ATP13A1: variants seen among roughly 807,000 people sequenced by gnomAD.
The protein encoded by ATP13A1 is endoplasmic reticulum transmembrane helix translocase.
In ATP13A1, 55 loss-of-function variants were observed where a neutral mutation model predicts 134.8. The observed-to-expected ratio is 0.41, with a 90% confidence interval of 0.33 to 0.51. The LOEUF (loss-of-function observed/expected upper bound fraction) is 0.51. Among genes scored for constraint, ATP13A1 ranks in the 20% least tolerant of loss-of-function variants. The pLI, the probability that ATP13A1 is intolerant of heterozygous loss-of-function variation, is 0.29. For synonymous variants in ATP13A1, 775 were observed against 725.1 expected, an observed-to-expected ratio of 1.07 and a Z score of -1.10; for missense variants, 1,389 against 1,652.8, an observed-to-expected ratio of 0.84 and a Z score of 2.77.
rs369963752 is a variant in ATP13A1, at chr19:19,659,554, G to T, written c.677+47C>A. The T allele has an allele frequency of 1.9e-6, 3 of 1,545,036 alleles. No individual in the cohort carries two copies. In the East Asian group the frequency reaches 6.8e-5, roughly 35 times the overall value. On this transcript the variant is annotated intron_variant, in intron 3 of 25. Transcript: ENST00000357324. ...TCCTAGGCACCCTGAATCAGGAGGG[G>T]AGCAGGACAGAAAGGCAAAGGTGCT...
At chr19:19,646,642 C>A in intron 22 of ATP13A1, 1 of 474,670 alleles carries the variant, frequency 2.1e-6, no homozygotes, top group East Asian at 3.7e-5. Flanking sequence ...GGGACAGGCA[C>A]AGTCCCGCCC....
In ATP13A1 at chr19:19,653,641, T is replaced by C. The variant is rs916258165; in HGVS notation, c.2100+143A>G. ...TGGACAGACTGAGTGCCATTTGGAGTCTCCAAAGGTAGAAGCTGGAGGCGG... is the reference window on the plus strand; with the variant it reads ...TGGACAGACTGAGTGCCATTTGGAGCCTCCAAAGGTAGAAGCTGGAGGCGG... On this transcript the variant is annotated intron_variant, in intron 15 of 25. Transcript: ENST00000357324. This position sits in a 1 kb window ranked among gnomAD's most constrained non-coding sequence, Gnocchi z 4.2. 2.6e-6 allele frequency: 2 copies of C among 764,504 alleles called. No individual in the cohort carries two copies. Among genetic ancestry groups the C allele is most frequent in the Admixed American group, 2.7e-5 (1 of 36,490 alleles). The allele number at this position is 764,504 out of a possible 1,614,324, so 47.4% of individuals were successfully genotyped here. A position where few individuals can be genotyped will look rare whatever the true frequency, so the allele number is the denominator to read the frequency against.
In ATP13A1 at chr19:19,653,717, G is replaced by A. The variant is rs562717312; in HGVS notation, c.2100+67C>T. On this transcript the variant is annotated intron_variant, in intron 15 of 25. Coordinates refer to ENST00000357324, the MANE Select transcript of ATP13A1 (RefSeq NM_020410.3). This position sits in a 1 kb window ranked among gnomAD's most constrained non-coding sequence, Gnocchi z 4.2. ...TTCAACCTGGCACTGTGGGACACAG[G>A]AGGTGACTCAGGGAGGAGCTGACGG... The A allele has an allele frequency of 3.7e-6, 5 of 1,366,304 alleles. No individual in the cohort carries two copies. In the South Asian group the frequency reaches 5.2e-5, roughly 14 times the overall value. 84.6% of individuals were successfully genotyped at this position (1,366,304 alleles called of 1,614,324 possible).
In ATP13A1 at chr19:19,663,580, C is replaced by A; in HGVS notation, c.87G>T (p.Gly29=). Residue 29 remains glycine (G), a synonymous_variant, in exon 1 of 26, where the codon GGG becomes GGT. Transcript: ENST00000357324. ...GVRPDGQPKP[G]PQPRALLAAG... is the part of the protein sequence containing the mutation. ...CGGCAAGGAGCGCGCGCGGCTGCGG[C>A]CCGGGCTTGGGCTGCCCGTCAGGCC... 1.3e-6 allele frequency: 2 copies of A among 1,492,814 alleles called. No homozygotes were observed. The highest frequency in any genetic ancestry group is 1.3e-5 in the South Asian group (1 of 77,954). The allele number at this position is 1,492,814 out of a possible 1,614,324, so 92.5% of individuals were successfully genotyped here.
chr19:19,657,536 G>C, intron 3 of ATP13A1, 128 bp from the exon 4 acceptor site: 2 of 928,228 alleles, frequency 2.2e-6, no homozygotes, highest in Non-Finnish European at 3.1e-6. Flanking sequence ...TGTGGGCGTC[G>C]GGAGCCCTGG....
rs1026495705 is a variant in ATP13A1 at position 19,649,588 on chromosome 19, C to T, written c.2611G>A (p.Ala871Thr). The T allele has an allele frequency of 3.1e-6, 5 of 1,613,590 alleles. No individual in the cohort carries two copies. Among genetic ancestry groups the T allele is most frequent in the South Asian group, 1.1e-5 (1 of 91,054 alleles). ...TCACCCACGTCAGCATGCTTCAGGGCGCCCACGTCGTTGGTGCCATCCCCA... is the reference window on the plus strand; with the variant it reads ...TCACCCACGTCAGCATGCTTCAGGGTGCCCACGTCGTTGGTGCCATCCCCA... ...MCGDGTNDVG[A>T]LKHADVGVAL... is the part of the protein sequence containing the mutation. Residue 871 changes from alanine to threonine, a missense_variant, in exon 19 of 26, where the codon GCC (alanine) becomes ACC (threonine). Ala to Thr is a moderately conservative substitution (Grantham distance 58). This residue lies in a region of ATP13A1 where 747 missense variants were observed against 956.1 expected (regional missense o/e 0.78). Coordinates refer to ENST00000357324, the MANE Select transcript of ATP13A1 (RefSeq NM_020410.3).
Position 19,647,817 on chromosome 19 carries a change from C to T in ATP13A1, c.2633-58G>A. On this transcript the variant is annotated intron_variant, in intron 19 of 25. Coordinates refer to ENST00000357324, the MANE Select transcript of ATP13A1 (RefSeq NM_020410.3). This position sits in a 1 kb window ranked among gnomAD's most constrained non-coding sequence, Gnocchi z 4.8. ...GCAGGCTCCACGGAGGGGAAGATTGCTGGCTTCAGAGCCACTGGTCCTGAA... is the reference window on the plus strand; with the variant it reads ...GCAGGCTCCACGGAGGGGAAGATTGTTGGCTTCAGAGCCACTGGTCCTGAA... The T allele has an allele frequency of 1.3e-6, 2 of 1,516,600 alleles. No individual in the cohort carries two copies. Among genetic ancestry groups the T allele is most frequent in the Non-Finnish European group, 1.8e-6 (2 of 1,134,960 alleles). 93.9% of individuals were successfully genotyped at this position (1,516,600 alleles called of 1,614,324 possible). A position where few individuals can be genotyped will look rare whatever the true frequency, so the allele number is the denominator to read the frequency against.
Position 19,655,625 on chromosome 19 carries a change from C to T in ATP13A1, c.1299G>A (p.Gly433=), listed in dbSNP as rs953664403. The change falls in exon 10 of 26, where the codon GGG becomes GGA. Residue 433 remains glycine, a synonymous_variant. Transcript: ENST00000357324. The surrounding 1 kb of genome is among the most constrained non-coding windows in gnomAD (Gnocchi z 5.7). ...GGTTGTTCGCAGTCACCCTCTTGAC[C>T]CCGAAGAGGATGGTGCGCAGCAGCT... is the stretch of plus-strand genomic sequence containing the variant. ...QGKLLRTILF[G]VKRVTANNLE... 49 of 1,613,586 alleles carry T rather than the reference C, an allele frequency of 3.0e-5. No homozygotes were observed. The highest frequency in any genetic ancestry group is 4.0e-5 in the Non-Finnish European group (47 of 1,179,810).
Position 19,663,254 on chromosome 19 carries a change from C to G in ATP13A1, c.396+17G>C. The G allele has an allele frequency of 6.4e-7, 1 of 1,568,048 alleles. No individual in the cohort carries two copies. Among genetic ancestry groups the G allele is most frequent in the Non-Finnish European group, 8.6e-7 (1 of 1,158,144 alleles). On this transcript the variant is annotated intron_variant, in intron 1 of 25. Transcript: ENST00000357324. ...GCTCGACCGTGCTGGGGGTCGGGCT[C>G]GCGTGTACACACTTACCGGGGTGCA...
At chr19:19,646,995 G>A (rs1347039849) in intron 22 of ATP13A1, 134 bp downstream of exon 22, 10 of 1,014,372 alleles carry the variant, frequency 9.9e-6, no homozygotes, top group Non-Finnish European at 1.4e-5. Flanking sequence ...AGCATTTCCT[G>A]AGCCATCCCA....
In ATP13A1 at chr19:19,653,691, A is replaced by G. The variant is rs2062038845; in HGVS notation, c.2100+93T>C. 8.4e-7 allele frequency: 1 copy of G among 1,191,294 alleles called. No individual in the cohort carries two copies. The highest frequency in any genetic ancestry group is 1.2e-6 in the Non-Finnish European group (1 of 853,618). The allele number at this position is 1,191,294 out of a possible 1,614,324, so 73.8% of individuals were successfully genotyped here. On this transcript the variant is annotated intron_variant, in intron 15 of 25. Coordinates refer to ENST00000357324, the MANE Select transcript of ATP13A1 (RefSeq NM_020410.3). The surrounding 1 kb of genome is among the most constrained non-coding windows in gnomAD (Gnocchi z 4.2). The stretch of plus-strand genomic sequence containing the variant: ...GGGCAAGGAGGACAAAATCACAACC[A>G]TTCAACCTGGCACTGTGGGACACAG...
intron 3 of ATP13A1, among the ~76,000 whole-genome samples, chr19:19,657,886 G>A (rs1042305498): frequency 6.6e-6 from 1 of 152,202 alleles, no homozygotes; most frequent in South Asian, 2.1e-4. Flanking sequence ...GGTGGTTCAC[G>A]CCTGTAATCC....
At chr19:19,662,421 G>C in intron 1 of ATP13A1, 1 of 949,966 alleles carries the variant, frequency 1.1e-6, no homozygotes. Flanking sequence ...CTCTTCTTGA[G>C]GCAAACACAC....
At position 19,655,124 on chromosome 19, in the gene ATP13A1, C is replaced by A. The variant is rs558065098; in HGVS notation, c.1650G>T (p.Gly550=). 1.2e-6 allele frequency: 2 copies of A among 1,613,824 alleles called. No homozygotes were observed. Among genetic ancestry groups the A allele is most frequent in the Non-Finnish European group, 1.7e-6 (2 of 1,179,868 alleles). ...GCAGGGCCCCTGATGCTTACCTCAG[C>A]CCGGCCACACCGCGCACCACCAGGC... is the stretch of plus-strand genomic sequence containing the variant. ...SDSLVVRGVA[G]LRDGKEVTPV... The change falls in exon 12 of 26, where the codon GGG becomes GGT. Residue 550 remains glycine, a synonymous_variant. Transcript: ENST00000357324. The surrounding 1 kb of genome is among the most constrained non-coding windows in gnomAD (Gnocchi z 5.7).
chr19:19,655,386 G>C lies in ATP13A1; in HGVS notation c.1464C>G (p.Val488=). Residue 488 remains valine (V), a synonymous_variant, in exon 11 of 26, where the codon GTC becomes GTG. Transcript: ENST00000357324. The surrounding 1 kb of genome is among the most constrained non-coding windows in gnomAD (Gnocchi z 5.7). ...FLECTLILTS[V]VPPELPIELS... is the part of the protein sequence containing the mutation. ...GCTCGATGGGCAGCTCAGGAGGCAC[G>C]ACCGAGGTGAGGATCAGGGTGCACT... 3 of 1,613,954 alleles carry C rather than the reference G, an allele frequency of 1.9e-6. No individual in the cohort carries two copies. Among genetic ancestry groups the C allele is most frequent in the Non-Finnish European group, 2.5e-6 (3 of 1,179,882 alleles).
rs1364490624 is a variant in ATP13A1 at position 19,659,936 on chromosome 19, T to A, written c.448A>T (p.Asn150Tyr). 1 of 1,585,856 alleles carries A rather than the reference T, an allele frequency of 6.3e-7. No individual in the cohort carries two copies. Among genetic ancestry groups the A allele is most frequent in the Admixed American group, 1.9e-5 (1 of 53,272 alleles). The change falls in exon 2 of 26, where the codon AAT (asparagine) becomes TAT (tyrosine). Residue 150 changes from asparagine (N) to tyrosine (Y), a missense_variant. Asn to Tyr is a moderately radical substitution (Grantham distance 143). Coordinates refer to ENST00000357324, the MANE Select transcript of ATP13A1 (RefSeq NM_020410.3). ...AGGGCCACGAGCTCCGTGGAGCCAT[T>A]GTTGGGGGTTGGCACCACCTTCACA... ...TFVKVVPTPN[N>Y]GSTELVALHR...
chr19:19,662,714 C>T (rs2062102133), intron 1 of ATP13A1, among the ~76,000 whole-genome samples: 1 of 152,232 alleles, frequency 6.6e-6, no homozygotes, highest in Admixed American at 6.5e-5. Flanking sequence ...ATAAACACCT[C>T]TGCCTCTCTT....
intron 1 of ATP13A1, chr19:19,663,036 A>G: frequency 1.4e-6 from 1 of 718,548 alleles, no homozygotes; most frequent in Non-Finnish European, 2.5e-6. Flanking sequence ...CTGAATCTAA[A>G]TGACCATAAC....
At position 19,656,226 on chromosome 19, in the gene ATP13A1, G is replaced by A; in HGVS notation, c.1084-43C>T. 1 of 1,561,262 alleles carries A rather than the reference G, an allele frequency of 6.4e-7. No individual in the cohort carries two copies. Among genetic ancestry groups the A allele is most frequent in the South Asian group, 1.2e-5 (1 of 83,326 alleles). On this transcript the variant is annotated intron_variant, in intron 7 of 25. Coordinates refer to ENST00000357324, the MANE Select transcript of ATP13A1 (RefSeq NM_020410.3). The surrounding 1 kb of genome is among the most constrained non-coding windows in gnomAD (Gnocchi z 4.6). ...GAATCTGGATGGCCAGGCCTACCTT[G>A]CTTCCTTCTCCATCTGAGTTCCTGG...
Sources: gnomAD v4.1 joint callset for allele counts (sites outside exome capture counted in the v4.1 genomes callset) on GRCh38, gnomAD v4.1.1 for gene constraint, gnomAD v4.1.1 regional missense constraint, Gnocchi (gnomAD v3.1) non-coding constraint, MANE v1.5 for transcripts, NCBI Gene and HGNC (gene_info 2026-07-23, HGNC 2026-07-21) for gene names.